The following ANO6 variants were observed in gnomAD, a reference collection of about 807,000 sequenced individuals.
The protein encoded by ANO6 is anoctamin 6.
In ANO6, 106 loss-of-function variants were observed where a neutral mutation model predicts 117.5. The observed-to-expected ratio is 0.90, with a 90% CI of 0.77 to 1.06. The LOEUF (loss-of-function observed/expected upper bound fraction) is 1.06, where lower values mean the gene tolerates loss of function less well. ANO6 is among the 50% of genes least tolerant of loss of function. The pLI is 0.00. For synonymous variants in ANO6, 367 were observed against 385.1 expected (o/e 0.95, Z 0.55); for missense variants, 955 against 1,121.1 (o/e 0.85, Z 2.12).
chr12:45,371,931 C>T (rs1367410148), intron 9 of ANO6, among the ~76,000 whole-genome samples: 5 of 151,690 alleles, frequency 3.3e-5, no homozygotes, highest in Non-Finnish European at 2.9e-5. Flanking sequence ...GGAGGACATT[C>T]AAACCAAAGG....
chr12:45,399,036 G>C (rs1481032445), intron 12 of ANO6, among the ~76,000 whole-genome samples: 1 of 152,100 alleles, frequency 6.6e-6, no homozygotes, highest in Non-Finnish European at 1.5e-5. Flanking sequence ...CTAGATAACT[G>C]CAGACCAGAT....
Position 45,429,918 on chromosome 12 carries a change from A to G in ANO6, c.*607A>G. 1.0e-6 allele frequency: 1 copy of G among 989,698 alleles called. No individual in the cohort carries two copies. 61.3% of individuals were successfully genotyped at this position (989,698 alleles called of 1,614,324 possible). On this transcript the variant is annotated 3_prime_UTR_variant, in exon 20 of 20. Coordinates refer to ENST00000320560, the MANE Select transcript of ANO6 (RefSeq NM_001025356.3). ...GAGCATGTCTTTCCATCTCAAAAAA[A>G]TACTCTTAGTAGGTTGGAGTGAAGA...
At position 45,216,385 on chromosome 12, in the gene ANO6, G is replaced by T. The variant is rs1203512601; in HGVS notation, c.64G>T (p.Asp22Tyr). 7 of 1,612,084 alleles carry T rather than the reference G, an allele frequency of 4.3e-6. No individual in the cohort carries two copies. Among genetic ancestry groups the T allele is most frequent in the Non-Finnish European group, 5.9e-6 (7 of 1,179,234 alleles). Residue 22 changes from aspartate (D) to tyrosine (Y), a missense_variant, in exon 1 of 20, where the codon GAT becomes TAT. Coordinates refer to ENST00000320560, the MANE Select transcript of ANO6 (RefSeq NM_001025356.3). ...GGAGGAGGAGGACGACGACGATGGG[G>T]ATATCGGTGAGCGAGGGGTCCCCGC... ...MEEEEDDDDG[D>Y]IVLENLGQTI...
At chr12:45,402,731 G>T (rs1226591249) in intron 13 of ANO6, among the ~76,000 whole-genome samples, 1 of 152,192 alleles carries the variant, frequency 6.6e-6, no homozygotes, top group Non-Finnish European at 1.5e-5. Flanking sequence ...ATATCATTTA[G>T]CAGGCAGTTC....
intron 18 of ANO6, 80 bp downstream of exon 18, chr12:45,421,353 AT>A: frequency 7.4e-7 from 1 of 1,355,970 alleles, no homozygotes; most frequent in Non-Finnish European, 1.0e-6. Context: ...GTTTGGTGTC[AT>A]TTTTAAAATT....
intron 6 of ANO6, among the ~76,000 whole-genome samples, chr12:45,349,474 C>A (rs1166731211): frequency 6.6e-6 from 1 of 152,174 alleles, no homozygotes; most frequent in Non-Finnish European, 1.5e-5. Context: ...GACATTATAA[C>A]TAAAGCTGTT....
At chr12:45,370,883 C>T (rs1189276769) in intron 9 of ANO6, among the ~76,000 whole-genome samples, 10 of 152,252 alleles carry the variant, frequency 6.6e-5, no homozygotes, top group South Asian at 2.1e-4. Context: ...GGAACAGCTC[C>T]GGTCTACAGC....
At chr12:45,360,961 C>G (rs1593012790) in intron 8 of ANO6, among the ~76,000 whole-genome samples, 1 of 152,144 alleles carries the variant, frequency 6.6e-6, no homozygotes, top group Non-Finnish European at 1.5e-5. Flanking sequence ...TATGCAAGTA[C>G]CACACTTTAT....
intron 7 of ANO6, among the ~76,000 whole-genome samples, chr12:45,353,374 G>A (rs1351497620): frequency 2.0e-5 from 3 of 152,090 alleles, no homozygotes; most frequent in African/African-American, 7.2e-5. Flanking sequence ...TGACATTCAT[G>A]TGAAGTTTCC....
chr12:45,286,992 G>C (rs150387640), intron 1 of ANO6, among the ~76,000 whole-genome samples: 1 of 152,210 alleles, frequency 6.6e-6, no homozygotes, highest in Admixed American at 6.5e-5. Context: ...TCATTCAAGA[G>C]ATTAATGATG....
intron 1 of ANO6, among the ~76,000 whole-genome samples, chr12:45,228,681 G>A (rs772605569): frequency 4.6e-5 from 7 of 152,120 alleles, no homozygotes; most frequent in Non-Finnish European, 8.8e-5. Context: ...CTCACTGTTC[G>A]CTAGTGGGAG....
At chr12:45,288,873 G>A (rs112995361) in intron 1 of ANO6, among the ~76,000 whole-genome samples, 2,407 of 151,914 alleles carry the variant, frequency 0.016, 53 homozygotes, top group African/African-American at 0.053. Flanking sequence ...TCAGCCTCCC[G>A]AGTAGCTGGG....
chr12:45,217,147 G>A (rs577301428), intron 1 of ANO6, among the ~76,000 whole-genome samples: 13 of 152,114 alleles, frequency 8.5e-5, no homozygotes, highest in African/African-American at 2.9e-4. Context: ...GAAAAAAAGG[G>A]CAAACAAAAG....
intron 10 of ANO6, among the ~76,000 whole-genome samples, chr12:45,387,266 A>C (rs1043157997): frequency 2.0e-5 from 3 of 152,220 alleles, no homozygotes; most frequent in Non-Finnish European, 4.4e-5. Context: ...TTTAAAGTTA[A>C]AAATTCTGAA....
intron 9 of ANO6, among the ~76,000 whole-genome samples, chr12:45,376,689 C>T (rs1051869689): frequency 1.6e-4 from 19 of 121,004 alleles, no homozygotes; most frequent in African/African-American, 5.5e-4. Flanking sequence ...ACATCACACT[C>T]TGGGGACTGT....
chr12:45,328,996 C>G (rs1940571730), intron 2 of ANO6, among the ~76,000 whole-genome samples: 1 of 152,136 alleles, frequency 6.6e-6, no homozygotes, highest in Non-Finnish European at 1.5e-5. Context: ...GGAATACTCT[C>G]CAATCTCAGT....
chr12:45,437,494 A>G (rs1020249614), intron 19 of ANO6, among the ~76,000 whole-genome samples: 3 of 152,206 alleles, frequency 2.0e-5, no homozygotes, highest in African/African-American at 4.8e-5. Context: ...TTTCTAATAC[A>G]GTAATTTCTA....
At chr12:45,376,706 A>G (rs1454913978) in intron 9 of ANO6, among the ~76,000 whole-genome samples, 4 of 103,820 alleles carry the variant, frequency 3.9e-5, no homozygotes, top group Non-Finnish European at 5.7e-5. Context: ...CTGTTGTGGG[A>G]TGGGGGGAGG....
At chr12:45,238,340 G>A (rs945769315) in intron 1 of ANO6, among the ~76,000 whole-genome samples, 2 of 151,712 alleles carry the variant, frequency 1.3e-5, no homozygotes, top group South Asian at 2.1e-4. Flanking sequence ...TAGTAGAGAC[G>A]GGGTTTCACC....
Sources: allele counts gnomAD v4.1 joint callset (sites outside exome capture counted in the v4.1 genomes callset), GRCh38; gene constraint gnomAD v4.1.1; transcripts MANE v1.5; gene names NCBI Gene and HGNC (gene_info 2026-07-23, HGNC 2026-07-21).